SGCZ: variants seen among roughly 807,000 people sequenced by gnomAD.
The protein encoded by SGCZ is zeta-sarcoglycan.
SGCZ carries 40 observed loss-of-function variants against 41.3 expected under a neutral mutation model. The ratio of observed to expected loss-of-function variants is 0.97; its 90% confidence interval spans 0.75 to 1.26. The LOEUF is 1.26. Among genes scored for constraint, SGCZ ranks in the 50% most tolerant of loss-of-function variants. SGCZ has a pLI of 0.00. For synonymous variants in SGCZ, 206 were observed against 137.5 expected (o/e 1.50, Z -3.49); for missense variants, 552 against 369.8 (o/e 1.49, Z -4.04).
chr8:15,204,612 T>G (rs79089084), intron 1 of SGCZ, among the ~76,000 whole-genome samples: 8,284 of 152,172 alleles, frequency 0.054, 255 homozygotes, highest in South Asian at 0.074. Context: ...CCTTTGCGAC[T>G]CTCATAGCAC....
At chr8:14,121,721 A>G (rs1585153932) in intron 5 of SGCZ, among the ~76,000 whole-genome samples, 1 of 152,282 alleles carries the variant, frequency 6.6e-6, no homozygotes, top group East Asian at 1.9e-4. Flanking sequence ...TAAAGAGGAC[A>G]TATAATATAA....
intron 1 of SGCZ, among the ~76,000 whole-genome samples, chr8:15,200,226 G>A (rs1800849432): frequency 6.6e-6 from 1 of 152,154 alleles, no homozygotes; most frequent in African/African-American, 2.4e-5. Context: ...TGTAGCTTTG[G>A]ACTCATTAAA....
intron 1 of SGCZ, among the ~76,000 whole-genome samples, chr8:14,992,229 T>A (rs1481799180): frequency 6.6e-6 from 1 of 151,682 alleles, no homozygotes; most frequent in Non-Finnish European, 1.5e-5. Flanking sequence ...TACTCCCAAA[T>A]CTACTCCCAA....
At chr8:14,861,109 T>C (rs1563321673) in intron 1 of SGCZ, among the ~76,000 whole-genome samples, 1 of 152,178 alleles carries the variant, frequency 6.6e-6, no homozygotes, top group Non-Finnish European at 1.5e-5. Flanking sequence ...GAGGTGAATG[T>C]GTTACGTCTG....
intron 1 of SGCZ, among the ~76,000 whole-genome samples, chr8:14,696,972 A>C (rs1437994318): frequency 1.3e-5 from 2 of 150,416 alleles, no homozygotes; most frequent in Non-Finnish European, 1.5e-5. Flanking sequence ...TTAAAAAAAA[A>C]CATAGATATT....
chr8:14,103,462 A>G (rs1802098634), intron 6 of SGCZ, among the ~76,000 whole-genome samples: 1 of 152,158 alleles, frequency 6.6e-6, no homozygotes, highest in African/African-American at 2.4e-5. Flanking sequence ...ACTGTTATCC[A>G]GCACAACTGG....
At chr8:14,609,129 A>G (rs1168400333) in intron 1 of SGCZ, among the ~76,000 whole-genome samples, 3 of 152,156 alleles carry the variant, frequency 2.0e-5, no homozygotes, top group Non-Finnish European at 4.4e-5. Flanking sequence ...AGGGAAGATA[A>G]TGTCAAGATC....
intron 1 of SGCZ, among the ~76,000 whole-genome samples, chr8:14,861,783 C>T (rs1465574264): frequency 6.6e-6 from 1 of 152,012 alleles, no homozygotes; most frequent in African/African-American, 2.4e-5. Flanking sequence ...TTCCCAACAT[C>T]GAGATATTCC....
chr8:14,186,475 T>C (rs1347929116), intron 4 of SGCZ, among the ~76,000 whole-genome samples: 2 of 152,178 alleles, frequency 1.3e-5, no homozygotes, highest in African/African-American at 4.8e-5. Context: ...CTTAAATCCA[T>C]GGCCCTGGCC....
At position 14,183,824 on chromosome 8, in the gene SGCZ, A is replaced by C. The variant is rs537955673; in HGVS notation, c.425-19122T>G. Among the ~76,000 whole-genome samples, 5 of 152,306 alleles carry C rather than the reference A, an allele frequency of 3.3e-5. No homozygotes were observed. The East Asian group carries it at 9.6e-4, about 29-fold the overall frequency. On this transcript the variant is annotated intron_variant, in intron 4 of 7. Coordinates refer to ENST00000382080, the MANE Select transcript of SGCZ (RefSeq NM_139167.4). Reference sequence around the variant, plus strand: ...TATTCTGGAGGTCCTAACCAGAGGAATAAAACTAGAATGGAATAAAAGTAT... The same window carrying C: ...TATTCTGGAGGTCCTAACCAGAGGACTAAAACTAGAATGGAATAAAAGTAT...
chr8:14,931,612 G>A (rs1457678666), intron 1 of SGCZ, among the ~76,000 whole-genome samples: 3 of 151,928 alleles, frequency 2.0e-5, no homozygotes, highest in Non-Finnish European at 2.9e-5. Context: ...GAGCTCTGGA[G>A]CCATTTAGAT....
intron 1 of SGCZ, among the ~76,000 whole-genome samples, chr8:14,635,010 G>A (rs1806781981): frequency 6.6e-6 from 1 of 151,478 alleles, no homozygotes; most frequent in South Asian, 2.1e-4. Context: ...TTTATACATA[G>A]GCTTTTTTTA....
chr8:14,431,658 A>G (rs1799945202), intron 2 of SGCZ, among the ~76,000 whole-genome samples: 1 of 152,230 alleles, frequency 6.6e-6, no homozygotes, highest in Non-Finnish European at 1.5e-5. Flanking sequence ...ACCCAAAATC[A>G]AATGCAATAA....
At chr8:14,457,021 C>T (rs1800765715) in intron 2 of SGCZ, among the ~76,000 whole-genome samples, 1 of 152,104 alleles carries the variant, frequency 6.6e-6, no homozygotes, top group South Asian at 2.1e-4. Flanking sequence ...GGGCGACAAG[C>T]CACCCAGGCA....
chr8:14,827,236 CTTTT>C (rs36071307), intron 1 of SGCZ, among the ~76,000 whole-genome samples: 1 of 122,318 alleles, frequency 8.2e-6, no homozygotes. Flanking sequence ...CTTTTCTTTT[CTTTT>C]TTTTTTTTTT....
chr8:15,193,270 G>C (rs1800598499), intron 1 of SGCZ, among the ~76,000 whole-genome samples: 1 of 152,068 alleles, frequency 6.6e-6, no homozygotes, highest in Non-Finnish European at 1.5e-5. Context: ...ATGGAAAGTT[G>C]CTTGAATATA....
intron 1 of SGCZ, among the ~76,000 whole-genome samples, chr8:15,132,668 A>G (rs908750200): frequency 2.6e-5 from 4 of 152,166 alleles, no homozygotes; most frequent in Non-Finnish European, 5.9e-5. Context: ...TGTGAGAGCA[A>G]TTGGTAAATA....
chr8:14,202,630 G>C (rs1225409409), intron 4 of SGCZ, among the ~76,000 whole-genome samples: 1 of 152,100 alleles, frequency 6.6e-6, no homozygotes, highest in African/African-American at 2.4e-5. Context: ...ATTTGATTAA[G>C]ATGTTTCCAT....
intron 1 of SGCZ, among the ~76,000 whole-genome samples, chr8:15,076,427 T>C (rs1221350754): frequency 6.6e-6 from 1 of 152,158 alleles, no homozygotes; most frequent in Non-Finnish European, 1.5e-5. Flanking sequence ...TTGAGATTAA[T>C]AGCAAATGCA....
Sources: allele counts gnomAD v4.1 joint callset (sites outside exome capture counted in the v4.1 genomes callset), GRCh38; gene constraint gnomAD v4.1.1; transcripts MANE v1.5; gene names NCBI Gene and HGNC (gene_info 2026-07-23, HGNC 2026-07-21).